Variants in ASAP2 observed in about 807,000 individuals in gnomAD.
ASAP2 encodes the protein ArfGAP with SH3 domain, ankyrin repeat and PH domain 2, also known as arf-GAP with SH3 domain, ANK repeat and PH domain-containing protein 2.
Under a neutral mutation model 131.4 loss-of-function variants are expected in ASAP2, and 45 were observed. That is an observed-to-expected ratio of 0.34 (90% CI 0.27 to 0.44). The LOEUF (loss-of-function observed/expected upper bound fraction) is 0.44. Among genes scored for constraint, ASAP2 ranks in the 20% least tolerant of loss-of-function variants. The probability of loss-of-function intolerance (pLI) is 1.00; values close to 1 mark genes in which losing one functional copy is unlikely to be tolerated. For missense variants in ASAP2, 1,011 were observed against 1,297.0 expected, an observed-to-expected ratio of 0.78 and a Z score of 3.39; for synonymous variants, 510 against 503.0, an observed-to-expected ratio of 1.01 and a Z score of -0.19.
rs771229875 is a variant in ASAP2, at chr2:9,356,391, T to C, written c.1327+46T>C. 39 of 1,504,360 alleles carry C rather than the reference T, an allele frequency of 2.6e-5. No homozygotes were observed. The Admixed American group carries it at 4.8e-4, about 18-fold the overall frequency. The allele number at this position is 1,504,360 out of a possible 1,614,324, so 93.2% of individuals were successfully genotyped here. A position where few individuals can be genotyped will look rare whatever the true frequency, so the allele number is the denominator to read the frequency against. ...GACCCTGGGCTCTAGGACATTTCAA[T>C]CCCATTCTGATTCACAGAATCCGTT... On this transcript the variant is annotated intron_variant, in intron 14 of 27. Transcript: ENST00000281419.
At chr2:9,393,769 T>A in intron 24 of ASAP2, 122 bp downstream of exon 24, 1 of 1,065,884 alleles carries the variant, frequency 9.4e-7, no homozygotes, top group Non-Finnish European at 1.3e-6. Flanking sequence ...GCCACATAAC[T>A]AATTCATCGG....
intron 1 of ASAP2, among the ~76,000 whole-genome samples, chr2:9,212,351 G>A (rs934364287): frequency 6.6e-6 from 1 of 152,122 alleles, no homozygotes; most frequent in African/African-American, 2.4e-5. Flanking sequence ...CAGGGCGTGG[G>A]GCTGTGGTGA....
chr2:9,394,290 G>A (rs1425451597), intron 24 of ASAP2, among the ~76,000 whole-genome samples: 3 of 148,848 alleles, frequency 2.0e-5, no homozygotes, highest in African/African-American at 5.0e-5. Flanking sequence ...TGAGCCTCCC[G>A]AGTAGCTGGG....
intron 16 of ASAP2, among the ~76,000 whole-genome samples, chr2:9,370,669 T>G (rs1295379451): frequency 6.6e-6 from 1 of 152,172 alleles, no homozygotes; most frequent in Admixed American, 6.5e-5. Context: ...CATGTGGTGC[T>G]TAGTTTTAGT....
At chr2:9,265,268 G>A (rs1368875255) in intron 1 of ASAP2, among the ~76,000 whole-genome samples, 6 of 152,254 alleles carry the variant, frequency 3.9e-5, no homozygotes, top group African/African-American at 7.2e-5. Context: ...ATGTGTGTAG[G>A]TTACATGCAA....
chr2:9,370,494 A>C (rs1156700925), intron 16 of ASAP2, among the ~76,000 whole-genome samples: 3 of 152,110 alleles, frequency 2.0e-5, no homozygotes, highest in African/African-American at 7.2e-5. Context: ...TTTTTACCCA[A>C]ACCTAGAGAG....
intron 1 of ASAP2, among the ~76,000 whole-genome samples, chr2:9,271,055 A>C (rs1380872874): frequency 6.6e-6 from 1 of 151,224 alleles, no homozygotes; most frequent in Non-Finnish European, 1.5e-5. Context: ...GGCCTCCCAA[A>C]GTGCTGGGAT....
chr2:9,322,988 T>G, intron 5 of ASAP2, 133 bp from the exon 6 acceptor site: 1 of 1,072,852 alleles, frequency 9.3e-7, no homozygotes, highest in Non-Finnish European at 1.3e-6. Context: ...TTTGAGGGAG[T>G]TGAGAGGCTG....
At chr2:9,304,019 C>A (rs186480035) in intron 3 of ASAP2, among the ~76,000 whole-genome samples, 2 of 152,272 alleles carry the variant, frequency 1.3e-5, no homozygotes, top group Admixed American at 6.5e-5. Flanking sequence ...GACACAGATG[C>A]TTTTATTAGA....
At chr2:9,303,319 A>G (rs1216212510) in intron 3 of ASAP2, among the ~76,000 whole-genome samples, 1 of 152,072 alleles carries the variant, frequency 6.6e-6, no homozygotes, top group Non-Finnish European at 1.5e-5. Context: ...CGTTTCTGAC[A>G]TTTGCTTTTT....
intron 1 of ASAP2, among the ~76,000 whole-genome samples, chr2:9,225,702 C>T (rs965900622): frequency 2.3e-4 from 35 of 152,032 alleles, no homozygotes; most frequent in African/African-American, 8.5e-4. Context: ...GGAGATGGAG[C>T]AGGCTGGAAA....
At position 9,207,496 on chromosome 2, in the gene ASAP2, C is replaced by G. The variant is rs1183099464; in HGVS notation, c.126+266C>G. 6.6e-6 allele frequency among the ~76,000 whole-genome samples: 1 copy of G among 151,944 alleles called. No individual in the cohort carries two copies. The highest frequency in any genetic ancestry group is 1.5e-5 in the Non-Finnish European group (1 of 67,916). ...CCGCGGCCTGGTCTTTTCCCCGCAG[C>G]GCGGCCAACTTTGTCCAGAGTCGGG... On this transcript the variant is annotated intron_variant, in intron 1 of 27. Coordinates refer to ENST00000281419, the MANE Select transcript of ASAP2 (RefSeq NM_003887.3). This position sits in a 1 kb window ranked among gnomAD's most constrained non-coding sequence, Gnocchi z 4.1.
intron 1 of ASAP2, among the ~76,000 whole-genome samples, chr2:9,277,663 G>A (rs1011920540): frequency 2.6e-5 from 4 of 152,236 alleles, no homozygotes; most frequent in East Asian, 3.9e-4. Flanking sequence ...TTAACATCCC[G>A]CACTACAAGT....
At chr2:9,316,696 G>T (rs77991637) in intron 3 of ASAP2, among the ~76,000 whole-genome samples, 2 of 152,104 alleles carry the variant, frequency 1.3e-5, no homozygotes, top group Non-Finnish European at 2.9e-5. Context: ...CTGAAGTTTC[G>T]CATCTTGAGT....
chr2:9,357,251 G>A (rs1391036750), intron 14 of ASAP2, among the ~76,000 whole-genome samples: 1 of 151,676 alleles, frequency 6.6e-6, no homozygotes, highest in African/African-American at 2.4e-5. Flanking sequence ...GACTGAGGCG[G>A]GCGGATCACT....
At chr2:9,353,698 T>C (rs1294483184) in intron 12 of ASAP2, among the ~76,000 whole-genome samples, 2 of 152,230 alleles carry the variant, frequency 1.3e-5, no homozygotes, top group South Asian at 2.1e-4. Flanking sequence ...TCAGTTCATC[T>C]TGGAATCTGC....
intron 24 of ASAP2, among the ~76,000 whole-genome samples, chr2:9,398,038 G>A (rs546011303): frequency 1.6e-4 from 24 of 151,776 alleles, no homozygotes; most frequent in Non-Finnish European, 2.2e-4. Flanking sequence ...GATTACAGGC[G>A]TGAGCCACTG....
chr2:9,323,350 A>T, intron 6 of ASAP2, 100 bp downstream of exon 6: 1 of 1,508,576 alleles, frequency 6.6e-7, no homozygotes, highest in Non-Finnish European at 9.0e-7. Context: ...CAGAGAAAAC[A>T]CCACATGCAT....
chr2:9,358,696 A>G (rs1041270310), intron 14 of ASAP2, 60 bp from the exon 15 acceptor site: 7 of 1,566,448 alleles, frequency 4.5e-6, no homozygotes, highest in African/African-American at 4.1e-5. Flanking sequence ...AGGAAGAAAG[A>G]TGTGACTCCT....
Sources: allele counts gnomAD v4.1 joint callset (sites outside exome capture counted in the v4.1 genomes callset), GRCh38; gene constraint gnomAD v4.1.1; non-coding constraint Gnocchi (gnomAD v3.1); transcripts MANE v1.5; gene names NCBI Gene and HGNC (gene_info 2026-07-23, HGNC 2026-07-21).